The following C10orf90 variants were observed in gnomAD, a reference collection of about 807,000 sequenced individuals.
The protein encoded by C10orf90 is chromosome 10 open reading frame 90.
A neutral mutation model predicts 62.5 loss-of-function variants in C10orf90; 56 were observed. The observed-to-expected ratio is 0.90, with a 90% CI of 0.72 to 1.12. The LOEUF is 1.12. Ranked by LOEUF, C10orf90 falls within the 50% of genes most tolerant of loss-of-function variation. C10orf90 has a pLI of 0.00. For synonymous variants in C10orf90, 386 were observed against 340.4 expected, an observed-to-expected ratio of 1.13 and a Z score of -1.47; for missense variants, 970 against 880.4, an observed-to-expected ratio of 1.10 and a Z score of -1.29.
At chr10:126,473,779 T>C (rs916768105) in intron 4 of C10orf90, among the ~76,000 whole-genome samples, 1 of 152,154 alleles carries the variant, frequency 6.6e-6, no homozygotes, top group Non-Finnish European at 1.5e-5. Flanking sequence ...CGTGGTAGCA[T>C]AGAGCACAAT....
chr10:126,439,552 C>G (rs893720767), intron 7 of C10orf90, among the ~76,000 whole-genome samples: 109 of 150,990 alleles, frequency 7.2e-4, no homozygotes, highest in East Asian at 2.3e-3. Flanking sequence ...TAAGAGAACA[C>G]AGAAAAAAAA....
intron 2 of C10orf90, among the ~76,000 whole-genome samples, chr10:126,555,619 C>T (rs989796352): frequency 5.3e-5 from 8 of 151,424 alleles, no homozygotes; most frequent in Non-Finnish European, 8.8e-5. Context: ...GTGGAGGTTG[C>T]AGTGAGCTGA....
chr10:126,535,117 A>C lies in C10orf90; in HGVS notation c.314-21178T>G, dbSNP rs116701792. On this transcript the variant is annotated intron_variant, in intron 2 of 9. Coordinates refer to ENST00000488181, the MANE Select transcript of C10orf90 (RefSeq NM_001350921.2). The stretch of plus-strand genomic sequence containing the variant: ...TAAACCCCTGGTAGCAGGGATTCTG[A>C]TAAATATATATACATACACACACAC... Among the ~76,000 whole-genome samples, 925 of 152,254 alleles carry C rather than the reference A, an allele frequency of 6.1e-3. 9 individuals carry two copies. The highest frequency in any genetic ancestry group is 0.021 in the African/African-American group (879 of 41,530).
intron 3 of C10orf90, among the ~76,000 whole-genome samples, chr10:126,506,492 G>A (rs1250689180): frequency 1.3e-5 from 2 of 152,224 alleles, no homozygotes; most frequent in African/African-American, 4.8e-5. Context: ...GGGCCTGAGG[G>A]CATAACTGGA....
chr10:126,518,971 GC>G (rs1431699133), intron 2 of C10orf90, among the ~76,000 whole-genome samples: 1 of 152,194 alleles, frequency 6.6e-6, no homozygotes, highest in African/African-American at 2.4e-5. Context: ...GGTGTGTGGG[GC>G]CCTGAGCTGA....
At chr10:126,643,708 G>T (rs958729256) in intron 2 of C10orf90, among the ~76,000 whole-genome samples, 1 of 152,188 alleles carries the variant, frequency 6.6e-6, no homozygotes, top group Non-Finnish European at 1.5e-5. Flanking sequence ...CCTTACAACA[G>T]TTTCCCTTTG....
chr10:126,623,564 G>A (rs1373299826), intron 2 of C10orf90, among the ~76,000 whole-genome samples: 2 of 152,088 alleles, frequency 1.3e-5, no homozygotes, highest in African/African-American at 2.4e-5. Context: ...TCATGAGGCT[G>A]GGCATAGTGA....
chr10:126,490,577 G>A (rs1861713492), intron 4 of C10orf90, among the ~76,000 whole-genome samples: 1 of 151,978 alleles, frequency 6.6e-6, no homozygotes, highest in African/African-American at 2.4e-5. Flanking sequence ...CAGTATGAAT[G>A]TACTTAATGC....
At chr10:126,444,791 C>T (rs1211576166) in intron 7 of C10orf90, among the ~76,000 whole-genome samples, 1 of 152,044 alleles carries the variant, frequency 6.6e-6, no homozygotes, top group Non-Finnish European at 1.5e-5. Context: ...GCCATAGTCA[C>T]CAAAACAGCA....
rs747221913 is a variant in C10orf90, at chr10:126,459,149, G to A, written c.2079C>T (p.His693=). 1.2e-6 allele frequency: 2 copies of A among 1,614,196 alleles called. No individual in the cohort carries two copies. The highest frequency in any genetic ancestry group is 2.2e-5 in the South Asian group (2 of 91,090). Residue 693 remains histidine, a synonymous_variant, in exon 7 of 10, where the codon CAC becomes CAT. Coordinates refer to ENST00000488181, the MANE Select transcript of C10orf90 (RefSeq NM_001350921.2). ...RSQERLKKLE[H]MVQQRKAQRK... ...GCTGGGCTTTCCTCTGCTGGACCAT[G>A]TGTTCAAGCTTCTTCAGCCGTTCTT...
chr10:126,664,794 G>A (rs150113414), intron 1 of C10orf90, among the ~76,000 whole-genome samples: 1 of 152,278 alleles, frequency 6.6e-6, no homozygotes, highest in East Asian at 1.9e-4. Flanking sequence ...CCAGATTTCA[G>A]ATATGCCTCC....
Position 126,506,761 on chromosome 10 carries a change from T to A in C10orf90, c.406-1676A>T, listed in dbSNP as rs142916088. Among the ~76,000 whole-genome samples, 173 of 152,314 alleles carry A rather than the reference T, an allele frequency of 1.1e-3. 2 individuals carry two copies. Among genetic ancestry groups the A allele is most frequent in the African/African-American group, 4.0e-3 (166 of 41,576 alleles). On this transcript the variant is annotated intron_variant, in intron 3 of 9. Coordinates refer to ENST00000488181, the MANE Select transcript of C10orf90 (RefSeq NM_001350921.2). ...TTGGAGAGGAAGGGCCTATGTGTGT[T>A]GGAAGCAGGGTATTTGCTCATTCCA...
chr10:126,664,221 G>T (rs561918537), intron 1 of C10orf90, among the ~76,000 whole-genome samples: 1 of 152,184 alleles, frequency 6.6e-6, no homozygotes. Context: ...GACGCTCTGA[G>T]TGTGGGGAAG....
At chr10:126,645,259 A>T (rs901157402) in intron 2 of C10orf90, among the ~76,000 whole-genome samples, 7 of 96,192 alleles carry the variant, frequency 7.3e-5, no homozygotes, top group South Asian at 3.7e-4. Flanking sequence ...CTTAAAGTAT[A>T]AAAAAAAAAA....
intron 4 of C10orf90, among the ~76,000 whole-genome samples, chr10:126,496,187 G>A (rs1461865796): frequency 3.3e-5 from 5 of 152,082 alleles, no homozygotes; most frequent in African/African-American, 1.2e-4. Context: ...TGAGTAAATG[G>A]CCCATTAATA....
chr10:126,591,109 C>T (rs1365582593), intron 2 of C10orf90, among the ~76,000 whole-genome samples: 1 of 152,072 alleles, frequency 6.6e-6, no homozygotes, highest in Non-Finnish European at 1.5e-5. Flanking sequence ...CTGAATTCTA[C>T]CAGAGGTACA....
chr10:126,548,163 C>G (rs1864545333), intron 2 of C10orf90, among the ~76,000 whole-genome samples: 1 of 152,036 alleles, frequency 6.6e-6, no homozygotes, highest in Admixed American at 6.5e-5. Flanking sequence ...AAAATCTCAA[C>G]AAGATTTTTT....
intron 4 of C10orf90, among the ~76,000 whole-genome samples, chr10:126,477,529 T>G (rs1427299733): frequency 6.6e-6 from 1 of 151,886 alleles, no homozygotes; most frequent in East Asian, 1.9e-4. Flanking sequence ...AAAAAGTGAG[T>G]TTTCAGGAAG....
At position 126,626,271 on chromosome 10, in the gene C10orf90, C is replaced by A. The variant is rs77577959; in HGVS notation, c.313+20294G>T. 2.0e-5 allele frequency among the ~76,000 whole-genome samples: 3 copies of A among 152,176 alleles called. No homozygotes were observed. In the South Asian group the frequency reaches 6.2e-4, roughly 31 times the overall value. On this transcript the variant is annotated intron_variant, in intron 2 of 9. Transcript: ENST00000488181. ...ATTGCCTCCACTGCTCTGTCCACCC[C>A]CTCAGGACAGAAGCATCCTAGAACA... is the stretch of plus-strand genomic sequence containing the variant.
Sources: gnomAD v4.1 joint callset for allele counts (sites outside exome capture counted in the v4.1 genomes callset) on GRCh38, gnomAD v4.1.1 for gene constraint, MANE v1.5 for transcripts, NCBI Gene and HGNC (gene_info 2026-07-23, HGNC 2026-07-21) for gene names.